The following FANCC variants were observed in gnomAD, a reference collection of about 807,000 sequenced individuals.
FANCC encodes Fanconi anemia group C protein.
Under a neutral mutation model 71.3 loss-of-function variants are expected in FANCC, and 55 were observed. That is an observed-to-expected ratio of 0.77 (90% CI 0.62 to 0.97). The LOEUF is 0.97. FANCC is among the 50% of genes least tolerant of loss of function. The pLI is 0.00. For missense variants in FANCC, 678 were observed against 670.9 expected (o/e 1.01, Z -0.12); for synonymous variants, 275 against 244.9 (o/e 1.12, Z -1.15).
chr9:95,309,054 C>T (rs1835231634), intron 1 of FANCC, among the ~76,000 whole-genome samples: 4 of 152,180 alleles, frequency 2.6e-5, no homozygotes, highest in Admixed American at 2.6e-4. Context: ...CTTACAACTA[C>T]TCAATTTTAA....
intron 10 of FANCC, among the ~76,000 whole-genome samples, 159 bp from the exon 11 acceptor site, chr9:95,117,549 A>G (rs1039823840): frequency 1.3e-5 from 2 of 152,184 alleles, no homozygotes; most frequent in African/African-American, 4.8e-5. Context: ...TAAGCTCCCA[A>G]TAACCTCATA....
At chr9:95,217,219 C>T (rs1490932521) in intron 4 of FANCC, among the ~76,000 whole-genome samples, 1 of 152,168 alleles carries the variant, frequency 6.6e-6, no homozygotes, top group African/African-American at 2.4e-5. Flanking sequence ...GGCCTGGGGG[C>T]TCACACCTGT....
At chr9:95,202,557 A>C (rs1039507174) in intron 4 of FANCC, among the ~76,000 whole-genome samples, 1 of 152,394 alleles carries the variant, frequency 6.6e-6, no homozygotes, top group African/African-American at 2.4e-5. Flanking sequence ...AAATATGCTC[A>C]GGGCGAAAGA....
chr9:95,261,818 C>A (rs1832069263), intron 1 of FANCC, among the ~76,000 whole-genome samples: 1 of 152,154 alleles, frequency 6.6e-6, no homozygotes, highest in Non-Finnish European at 1.5e-5. Flanking sequence ...AAGGCAGTGT[C>A]CAGTGAAGGA....
At chr9:95,136,163 G>A (rs1282154410) in intron 7 of FANCC, among the ~76,000 whole-genome samples, 1 of 152,202 alleles carries the variant, frequency 6.6e-6, no homozygotes, top group Non-Finnish European at 1.5e-5. Flanking sequence ...GACTGAGGTA[G>A]AAGGATCACT....
chr9:95,206,797 T>C lies in FANCC; in HGVS notation c.345+33852A>G, dbSNP rs1828148723. On this transcript the variant is annotated intron_variant, in intron 4 of 14. Transcript: ENST00000289081. ...CATAGCAGTTGTAAAAATCTGCAGG[T>C]CTGTTTACCCCTAAACTTTTTTTTG... Among the ~76,000 whole-genome samples, 5 of 152,136 alleles carry C rather than the reference T, an allele frequency of 3.3e-5. No homozygotes were observed. The South Asian group carries it at 1.0e-3, about 32-fold the overall frequency.
At chr9:95,295,357 A>AAAAACAAAAC (rs879514379) in intron 1 of FANCC, among the ~76,000 whole-genome samples, 2 of 152,128 alleles carry the variant, frequency 1.3e-5, no homozygotes, top group East Asian at 3.8e-4. Flanking sequence ...AAACAAAACA[A>AAAAACAAAAC]AAAACAAAAC....
chr9:95,289,418 G>A (rs1035379438), intron 1 of FANCC, among the ~76,000 whole-genome samples: 14 of 152,058 alleles, frequency 9.2e-5, no homozygotes, highest in South Asian at 4.1e-4. Flanking sequence ...CTTGAAGTGC[G>A]CGTGAGTATA....
At chr9:95,159,652 G>A (rs1264069590) in intron 6 of FANCC, among the ~76,000 whole-genome samples, 1 of 152,170 alleles carries the variant, frequency 6.6e-6, no homozygotes, top group Non-Finnish European at 1.5e-5. Flanking sequence ...CCCATCAACA[G>A]TGCAAAAGCA....
chr9:95,185,627 G>A (rs964913109), intron 4 of FANCC, among the ~76,000 whole-genome samples: 6 of 152,226 alleles, frequency 3.9e-5, no homozygotes, highest in Non-Finnish European at 5.9e-5. Context: ...ATTAGGGCAC[G>A]ACAGATTCCA....
chr9:95,292,359 G>A (rs938023541), intron 1 of FANCC: 74 of 966,590 alleles, frequency 7.7e-5, no homozygotes, highest in Non-Finnish European at 1.7e-5. Context: ...GGAGGCGGTG[G>A]CGGCGGCGGG....
chr9:95,197,902 G>A (rs1827556194), intron 4 of FANCC, among the ~76,000 whole-genome samples: 1 of 152,212 alleles, frequency 6.6e-6, no homozygotes, highest in African/African-American at 2.4e-5. Context: ...CAACACAGCA[G>A]AGGTCCCCAC....
At chr9:95,244,145 A>G (rs1369101972) in intron 3 of FANCC, among the ~76,000 whole-genome samples, 1 of 152,240 alleles carries the variant, frequency 6.6e-6, no homozygotes, top group Non-Finnish European at 1.5e-5. Flanking sequence ...ACTTTTACAA[A>G]GAAGAAATAT....
chr9:95,128,661 G>A (rs925881937), intron 8 of FANCC, among the ~76,000 whole-genome samples: 2 of 152,176 alleles, frequency 1.3e-5, no homozygotes, highest in African/African-American at 4.8e-5. Context: ...TCTTCTGTGC[G>A]CTGTTTTCTA....
chr9:95,293,690 A>C, intron 1 of FANCC: 2 of 1,613,958 alleles, frequency 1.2e-6, no homozygotes, highest in Non-Finnish European at 1.7e-6. Flanking sequence ...TTGATTCTCA[A>C]GTGTCTCTTC....
chr9:95,264,208 T>A (rs1331344669), intron 1 of FANCC, among the ~76,000 whole-genome samples: 1 of 152,184 alleles, frequency 6.6e-6, no homozygotes, highest in Non-Finnish European at 1.5e-5. Flanking sequence ...AGCTGACACA[T>A]CTCAGGACCT....
At chr9:95,214,775 C>T (rs1828748579) in intron 4 of FANCC, among the ~76,000 whole-genome samples, 1 of 152,196 alleles carries the variant, frequency 6.6e-6, no homozygotes, top group East Asian at 1.9e-4. Flanking sequence ...CGTATGACTC[C>T]GCTTATATGA....
chr9:95,218,845 G>A (rs1007974190), intron 4 of FANCC, among the ~76,000 whole-genome samples: 1 of 152,082 alleles, frequency 6.6e-6, no homozygotes, highest in Non-Finnish European at 1.5e-5. Flanking sequence ...ACTACATGCT[G>A]ATTAAAATGG....
In FANCC at chr9:95,299,489, A is replaced by G. The variant is rs77741639; in HGVS notation, c.-79+18037T>C. ...TTCTTGGAGCAAAACCTTGTTTTCT[A>G]AGCCCCAGAATAGGTTTTATCCCTT... On this transcript the variant is annotated intron_variant, in intron 1 of 14. Coordinates refer to ENST00000289081, the MANE Select transcript of FANCC (RefSeq NM_000136.3). Among the ~76,000 whole-genome samples the G allele has an allele frequency of 3.4e-3, 511 of 152,326 alleles. 9 individuals carry two copies. The East Asian group carries it at 0.044, about 13-fold the overall frequency.
Sources: allele counts gnomAD v4.1 joint callset (sites outside exome capture counted in the v4.1 genomes callset), GRCh38; gene constraint gnomAD v4.1.1; transcripts MANE v1.5; gene names NCBI Gene and HGNC (gene_info 2026-07-23, HGNC 2026-07-21).